Variants in NAALADL2 observed in about 807,000 individuals in gnomAD.
The protein encoded by NAALADL2 is inactive N-acetylated-alpha-linked acidic dipeptidase-like protein 2.
Under a neutral mutation model 87.2 loss-of-function variants are expected in NAALADL2, and 76 were observed. The observed-to-expected ratio is 0.87, with a 90% CI of 0.72 to 1.05. The LOEUF (loss-of-function observed/expected upper bound fraction) is 1.05, where lower values mean the gene tolerates loss of function less well. Ranked by LOEUF, NAALADL2 falls within the 50% of genes least tolerant of loss-of-function variation. The pLI, the probability that NAALADL2 is intolerant of heterozygous loss-of-function variation, is 0.00. For synonymous variants in NAALADL2, 354 were observed against 331.0 expected, an observed-to-expected ratio of 1.07 and a Z score of -0.75; for missense variants, 1,089 against 945.8, an observed-to-expected ratio of 1.15 and a Z score of -1.99.
chr3:174,676,474 C>T (rs1727050054), intron 2 of NAALADL2, among the ~76,000 whole-genome samples: 1 of 151,740 alleles, frequency 6.6e-6, no homozygotes. Flanking sequence ...TTTTGTAAAC[C>T]ATTACTTACA....
At chr3:175,178,702 C>T (rs1381132) in intron 2 of NAALADL2, among the ~76,000 whole-genome samples, 101,170 of 151,892 alleles carry the variant, frequency 0.67, 35,489 homozygotes, top group Non-Finnish European at 0.78. Context: ...GGGAGAAGCC[C>T]GAGAATCTGC....
Position 175,175,370 on chromosome 3 carries a change from A to G in NAALADL2, c.546-58561A>G, listed in dbSNP as rs560517813. On this transcript the variant is annotated intron_variant, in intron 2 of 13. Coordinates refer to ENST00000454872, the MANE Select transcript of NAALADL2 (RefSeq NM_207015.3). The stretch of plus-strand genomic sequence containing the variant: ...AATTAAATACCTATTTTCAGTATTA[A>G]ACAACTTTTTTGTGGCCCCATGTAG... 8.1e-4 allele frequency among the ~76,000 whole-genome samples: 123 copies of G among 152,206 alleles called. 1 individual carries two copies. Among genetic ancestry groups the G allele is most frequent in the African/African-American group, 2.6e-3 (110 of 41,580 alleles).
At chr3:175,775,811 T>A (rs939531771) in intron 13 of NAALADL2, among the ~76,000 whole-genome samples, 19 of 152,138 alleles carry the variant, frequency 1.2e-4, no homozygotes, top group African/African-American at 4.3e-4. Context: ...ACAGGAGTCC[T>A]CCTGGGCTAG....
intron 1 of NAALADL2, among the ~76,000 whole-genome samples, chr3:175,013,299 ATATT>A (rs1185176069): frequency 6.7e-5 from 5 of 75,156 alleles, no homozygotes; most frequent in African/African-American, 3.1e-4. Flanking sequence ...ATATATATAT[ATATT>A]TTTTTTTTTT....
intron 2 of NAALADL2, among the ~76,000 whole-genome samples, chr3:175,199,860 A>ATG (rs1560153953): frequency 5.0e-4 from 8 of 15,906 alleles, no homozygotes; most frequent in African/African-American, 2.3e-3. Flanking sequence ...ATATATATAT[A>ATG]TATATTTTTT....
At chr3:174,797,373 G>A (rs761871071) in intron 3 of NAALADL2, among the ~76,000 whole-genome samples, 8 of 134,686 alleles carry the variant, frequency 5.9e-5, no homozygotes, top group African/African-American at 1.7e-4. Flanking sequence ...GTGCAATGGC[G>A]TGATCTCAGC....
chr3:175,449,110 A>C (rs1721145798), intron 6 of NAALADL2, among the ~76,000 whole-genome samples: 1 of 151,650 alleles, frequency 6.6e-6, no homozygotes, highest in Admixed American at 6.6e-5. Flanking sequence ...GACATGTCTT[A>C]CTCTATTGCC....
intron 2 of NAALADL2, among the ~76,000 whole-genome samples, chr3:174,653,320 G>T (rs1724570097): frequency 6.6e-6 from 1 of 152,114 alleles, no homozygotes. Flanking sequence ...ACAATAGAAT[G>T]CTATAAGTAA....
chr3:174,856,185 T>C (rs1725850253), upstream of NAALADL2, among the ~76,000 whole-genome samples: 1 of 152,024 alleles, frequency 6.6e-6, no homozygotes, highest in Non-Finnish European at 1.5e-5. Flanking sequence ...TTTGTATTGT[T>C]TGTTCACACA....
Position 175,804,320 on chromosome 3 carries a change from AT to A in NAALADL2, c.*1118del, listed in dbSNP as rs2108366738. ...TGTGACTAAGATGGAAATCTAGAAA[AT>A]ATTCATGCTTCTAAGTTTCTGCAGT... is the stretch of plus-strand genomic sequence containing the variant. On this transcript the variant is annotated 3_prime_UTR_variant, in exon 14 of 14. Coordinates refer to ENST00000454872, the MANE Select transcript of NAALADL2 (RefSeq NM_207015.3). The A allele has an allele frequency of 6.6e-6, 1 of 151,976 alleles. No individual in the cohort carries two copies. The highest frequency in any genetic ancestry group is 1.9e-4 in the East Asian group (1 of 5,168). The allele number at this position is 151,976 out of a possible 1,614,324, so 9.4% of individuals were successfully genotyped here.
At chr3:175,623,715 G>T (rs956463375) in intron 10 of NAALADL2, among the ~76,000 whole-genome samples, 1 of 151,990 alleles carries the variant, frequency 6.6e-6, no homozygotes, top group Non-Finnish European at 1.5e-5. Context: ...GAATCTGGAA[G>T]AGTTAAGGAA....
intron 1 of NAALADL2, among the ~76,000 whole-genome samples, chr3:174,932,734 C>A (rs1737103931): frequency 6.6e-6 from 1 of 152,104 alleles, no homozygotes; most frequent in Admixed American, 6.6e-5. Context: ...GCTTAAAATT[C>A]CCAAGATTTA....
chr3:175,231,766 A>G (rs6795681), intron 2 of NAALADL2, among the ~76,000 whole-genome samples: 41,685 of 151,978 alleles, frequency 0.27, 7,019 homozygotes, highest in African/African-American at 0.47. Context: ...ATATATTGCT[A>G]TGTTTGTATA....
chr3:175,737,931 A>G (rs1156975484), intron 12 of NAALADL2, among the ~76,000 whole-genome samples: 2 of 151,910 alleles, frequency 1.3e-5, no homozygotes, highest in African/African-American at 4.8e-5. Flanking sequence ...TCATGTTTGA[A>G]TATATCTCTC....
chr3:175,324,674 T>A (rs970048960), intron 5 of NAALADL2, among the ~76,000 whole-genome samples: 2 of 152,168 alleles, frequency 1.3e-5, no homozygotes, highest in Non-Finnish European at 2.9e-5. Context: ...CCCAGGAGCA[T>A]GAAATGTCTG....
At chr3:175,513,152 C>T (rs912876575) in intron 9 of NAALADL2, among the ~76,000 whole-genome samples, 1 of 152,096 alleles carries the variant, frequency 6.6e-6, no homozygotes, top group Non-Finnish European at 1.5e-5. Flanking sequence ...CACTCACTTA[C>T]TTATTTAATG....
At chr3:174,491,852 A>C (rs1001687431) in intron 1 of NAALADL2, among the ~76,000 whole-genome samples, 3 of 152,218 alleles carry the variant, frequency 2.0e-5, no homozygotes, top group African/African-American at 7.2e-5. Context: ...ACTTTTGTCA[A>C]GAGAAATGAA....
intron 1 of NAALADL2, among the ~76,000 whole-genome samples, chr3:174,525,709 C>T (rs1463820617): frequency 6.6e-6 from 1 of 152,184 alleles, no homozygotes; most frequent in Admixed American, 6.5e-5. Flanking sequence ...TTCATATAGA[C>T]AAGTCTTTCA....
At chr3:175,333,902 A>C (rs1034567916) in intron 5 of NAALADL2, among the ~76,000 whole-genome samples, 2 of 152,204 alleles carry the variant, frequency 1.3e-5, no homozygotes, top group African/African-American at 2.4e-5. Flanking sequence ...TGACTGGATC[A>C]TTATACATTC....
Sources: gnomAD v4.1 joint callset for allele counts (sites outside exome capture counted in the v4.1 genomes callset) on GRCh38, gnomAD v4.1.1 for gene constraint, MANE v1.5 for transcripts, NCBI Gene and HGNC (gene_info 2026-07-23, HGNC 2026-07-21) for gene names.